CADM2: variants seen among roughly 807,000 people sequenced by gnomAD.
CADM2 encodes immunoglobulin superfamily member 4D.
CADM2 carries 12 observed loss-of-function variants against 49.8 expected under a neutral mutation model. The ratio of observed to expected loss-of-function variants is 0.24; its 90% CI spans 0.15 to 0.39. The LOEUF is 0.39. Ranked by LOEUF, CADM2 falls within the 10% of genes least tolerant of loss-of-function variation. The pLI, the probability that CADM2 is intolerant of heterozygous loss-of-function variation, is 1.00. For missense variants in CADM2, 378 were observed against 492.3 expected, an observed-to-expected ratio of 0.77 and a Z score of 2.20; for synonymous variants, 214 against 175.4, an observed-to-expected ratio of 1.22 and a Z score of -1.74.
intron 2 of CADM2, among the ~76,000 whole-genome samples, chr3:85,743,645 C>T (rs977162625): frequency 1.3e-5 from 2 of 152,140 alleles, no homozygotes; most frequent in Non-Finnish European, 2.9e-5. Flanking sequence ...TTCACTACCT[C>T]CCTTGTATTG....
intron 8 of CADM2, among the ~76,000 whole-genome samples, chr3:86,033,691 T>C (rs910393523): frequency 6.9e-6 from 1 of 145,932 alleles, no homozygotes; most frequent in South Asian, 2.1e-4. Context: ...ATATATGAGA[T>C]AGTTATTTGT....
chr3:85,031,710 C>G (rs940173169), intron 1 of CADM2, among the ~76,000 whole-genome samples: 1 of 151,446 alleles, frequency 6.6e-6, no homozygotes, highest in Non-Finnish European at 1.5e-5. Flanking sequence ...TTAGTAGATA[C>G]GGGGTTTCAC....
At chr3:85,224,097 A>G (rs565958060) in intron 1 of CADM2, among the ~76,000 whole-genome samples, 2 of 152,292 alleles carry the variant, frequency 1.3e-5, no homozygotes, top group South Asian at 4.1e-4. Context: ...AGAATGATTT[A>G]TAATCCTTTG....
At chr3:85,707,936 C>T (rs2067001035) in intron 1 of CADM2, among the ~76,000 whole-genome samples, 1 of 152,116 alleles carries the variant, frequency 6.6e-6, no homozygotes, top group African/African-American at 2.4e-5. Context: ...TTTTGGAGAG[C>T]TTATCTATTT....
chr3:85,042,886 G>A (rs2035497933), intron 1 of CADM2, among the ~76,000 whole-genome samples: 1 of 152,066 alleles, frequency 6.6e-6, no homozygotes, highest in African/African-American at 2.4e-5. Context: ...AGATTAATAG[G>A]CGGTAAACAT....
At chr3:85,268,202 ATG>A (rs2043161712) in intron 1 of CADM2, among the ~76,000 whole-genome samples, 1 of 151,410 alleles carries the variant, frequency 6.6e-6, no homozygotes, top group African/African-American at 2.4e-5. Flanking sequence ...GCAGAGTAGG[ATG>A]TGTCAGCCAG....
intron 1 of CADM2, among the ~76,000 whole-genome samples, chr3:85,188,327 AC>A (rs1363397303): frequency 1.3e-5 from 2 of 152,092 alleles, no homozygotes; most frequent in Non-Finnish European, 2.9e-5. Flanking sequence ...TGTATATGTG[AC>A]CAAAAAATGC....
chr3:85,987,713 ATAAT>A (rs1178649627), intron 8 of CADM2, among the ~76,000 whole-genome samples: 7 of 146,070 alleles, frequency 4.8e-5, no homozygotes, highest in African/African-American at 1.2e-4. Flanking sequence ...TAATATATAA[ATAAT>A]TAAATATAAT....
chr3:85,476,383 A>T lies in CADM2; in HGVS notation c.62-250139A>T, dbSNP rs114860204. On this transcript the variant is annotated intron_variant, in intron 1 of 9. Transcript: ENST00000383699. ...TTTAGCACCCCATGTCTTTTTAAACAATACACATATTGAAGAAAATATTTC... is the reference window on the plus strand; with the variant it reads ...TTTAGCACCCCATGTCTTTTTAAACTATACACATATTGAAGAAAATATTTC... Among the ~76,000 whole-genome samples, 693 of 152,074 alleles carry T rather than the reference A, an allele frequency of 4.6e-3. 7 individuals carry two copies. The highest frequency in any genetic ancestry group is 0.016 in the African/African-American group (662 of 41,528).
At chr3:85,864,819 T>C (rs2075664862) in intron 3 of CADM2, among the ~76,000 whole-genome samples, 1 of 152,260 alleles carries the variant, frequency 6.6e-6, no homozygotes. Flanking sequence ...TATTATTTTT[T>C]ATGCAATTTT....
chr3:85,534,232 A>G (rs1486357514), intron 1 of CADM2, among the ~76,000 whole-genome samples: 1 of 152,118 alleles, frequency 6.6e-6, no homozygotes, highest in Non-Finnish European at 1.5e-5. Context: ...AACTCTTGCC[A>G]TTTACTTATT....
chr3:85,434,333 TC>T (rs2036827490), intron 1 of CADM2, among the ~76,000 whole-genome samples: 3 of 152,002 alleles, frequency 2.0e-5, no homozygotes, highest in Non-Finnish European at 4.4e-5. Context: ...TTTCATTTTT[TC>T]TTTTACATGT....
At chr3:85,107,695 TTC>T (rs2038297737) in intron 1 of CADM2, among the ~76,000 whole-genome samples, 2 of 141,412 alleles carry the variant, frequency 1.4e-5, no homozygotes, top group South Asian at 4.5e-4. Context: ...CTTTCTTTCT[TTC>T]TCTTTCTTTT....
intron 3 of CADM2, among the ~76,000 whole-genome samples, chr3:85,821,751 T>A (rs1430788163): frequency 2.6e-5 from 4 of 152,118 alleles, no homozygotes; most frequent in Non-Finnish European, 5.9e-5. Flanking sequence ...TTGAGGGCCA[T>A]TTTTCTCTAT....
intron 7 of CADM2, among the ~76,000 whole-genome samples, chr3:85,940,049 G>A: frequency 6.7e-6 from 1 of 149,158 alleles, no homozygotes; most frequent in Admixed American, 6.8e-5. Flanking sequence ...AAAAGCCTGG[G>A]TGCTCACACC....
chr3:85,197,790 A>C (rs2041380460), intron 1 of CADM2, among the ~76,000 whole-genome samples: 1 of 151,978 alleles, frequency 6.6e-6, no homozygotes, highest in Non-Finnish European at 1.5e-5. Context: ...TTGTATTTTT[A>C]CTTGTTTTAC....
At chr3:85,719,304 AG>A (rs2067415065) in intron 1 of CADM2, among the ~76,000 whole-genome samples, 1 of 152,176 alleles carries the variant, frequency 6.6e-6, no homozygotes, top group African/African-American at 2.4e-5. Flanking sequence ...ATTAAATCAT[AG>A]GAAAAGATGT....
intron 1 of CADM2, among the ~76,000 whole-genome samples, chr3:85,551,823 T>G (rs968567449): frequency 6.6e-6 from 1 of 152,210 alleles, no homozygotes; most frequent in African/African-American, 2.4e-5. Flanking sequence ...ACAGACTTGC[T>G]GAAGTCCATG....
chr3:85,155,738 ATCTC>A (rs1325332347), intron 1 of CADM2, among the ~76,000 whole-genome samples: 1 of 152,130 alleles, frequency 6.6e-6, no homozygotes, highest in Admixed American at 6.6e-5. Context: ...ATAACAAACT[ATCTC>A]TCAGACCACA....
Sources: gnomAD v4.1 joint callset for allele counts (sites outside exome capture counted in the v4.1 genomes callset) on GRCh38, gnomAD v4.1.1 for gene constraint, MANE v1.5 for transcripts, NCBI Gene and HGNC (gene_info 2026-07-23, HGNC 2026-07-21) for gene names.